The following FAM186A variants were observed in gnomAD, a reference collection of about 807,000 sequenced individuals.
FAM186A encodes family with sequence similarity 186 member A.
A neutral mutation model predicts 216.8 loss-of-function variants in FAM186A; 163 were observed. That is an observed-to-expected ratio of 0.75 (90% CI 0.66 to 0.86). The LOEUF (loss-of-function observed/expected upper bound fraction) is 0.86. Among genes scored for constraint, FAM186A ranks in the 40% least tolerant of loss-of-function variants. The pLI is 0.00. For missense variants in FAM186A, 2,184 were observed against 2,746.2 expected, an observed-to-expected ratio of 0.80 and a Z score of 4.58; for synonymous variants, 805 against 1,025.3, an observed-to-expected ratio of 0.79 and a Z score of 4.10.
In FAM186A at chr12:50,378,389, G is replaced by A. The variant is rs768468009; in HGVS notation, c.193-15025C>T. ...ACTAAAAAGTACAAAAATTAGCCAG[G>A]TGCAGTGGCAGGCGCCTGTAATCCC... On this transcript the variant is annotated intron_variant, in intron 1 of 7. Transcript: ENST00000327337. Among the ~76,000 whole-genome samples, 217 of 151,206 alleles carry A rather than the reference G, an allele frequency of 1.4e-3. 1 individual carries two copies. Among genetic ancestry groups the A allele is most frequent in the Non-Finnish European group, 1.0e-3 (68 of 67,834 alleles).
chr12:50,380,425 C>T (rs771537588), intron 1 of FAM186A, among the ~76,000 whole-genome samples: 3 of 150,272 alleles, frequency 2.0e-5, no homozygotes, highest in Non-Finnish European at 4.4e-5. Context: ...TCTGTAATCC[C>T]TGCACTTTGG....
At position 50,350,872 on chromosome 12, in the gene FAM186A, T is replaced by A. The variant is rs1222621877; in HGVS notation, c.5960A>T (p.Lys1987Met). The A allele has an allele frequency of 5.2e-6, 8 of 1,551,592 alleles. No homozygotes were observed. In the East Asian group the frequency reaches 2.0e-4, roughly 38 times the overall value. Residue 1987 changes from lysine to methionine, a missense_variant, in exon 4 of 8, where the codon AAG becomes ATG. Physicochemically the swap from Lys to Met is moderately conservative, Grantham distance 95. This residue lies in a region of FAM186A where 721 missense variants were observed against 816.4 expected (regional missense o/e 0.88). Transcript: ENST00000327337. ...KVAQVPFTTKKFQMSEVSDTS... is the reference protein window; with the variant it reads ...KVAQVPFTTKMFQMSEVSDTS... ...GTCAGAGACCTCCGACATTTGGAACTTCTTAGTGGTGAAAGGAACTTGAGC... is the reference window on the plus strand; with the variant it reads ...GTCAGAGACCTCCGACATTTGGAACATCTTAGTGGTGAAAGGAACTTGAGC...
chr12:50,355,167 T>C lies in FAM186A; in HGVS notation c.1665A>G (p.Pro555=). 2 of 1,551,696 alleles carry C rather than the reference T, an allele frequency of 1.3e-6. No homozygotes were observed. Among genetic ancestry groups the C allele is most frequent in the Non-Finnish European group, 1.7e-6 (2 of 1,146,996 alleles). The change falls in exon 4 of 8, where the codon CCA becomes CCG. Residue 555 remains proline, a synonymous_variant. Transcript: ENST00000327337. ...CTGCTGCAGTTGGACGTTTGTCAAA[T>C]GGAGATTCACGTTTGACCTTCCTAA... ...EQFRKVKRES[P]FDKRPTAAEI...
chr12:50,392,317 G>A (rs932599153), intron 1 of FAM186A: 12 of 163,774 alleles, frequency 7.3e-5, no homozygotes, highest in African/African-American at 1.7e-4. Context: ...TCGCTCTGTC[G>A]CCCAGGCTAC....
intron 4 of FAM186A, among the ~76,000 whole-genome samples, chr12:50,336,497 C>T (rs1013536583): frequency 3.9e-5 from 6 of 152,038 alleles, no homozygotes; most frequent in African/African-American, 9.7e-5. Context: ...GTTCCAAGGT[C>T]CTTCTCCATA....
chr12:50,328,607 A>G (rs1397127306), intron 7 of FAM186A, among the ~76,000 whole-genome samples: 1 of 152,074 alleles, frequency 6.6e-6, no homozygotes, highest in East Asian at 1.9e-4. Context: ...TCCCAGACTC[A>G]AGCCATTCTC....
intron 1 of FAM186A, among the ~76,000 whole-genome samples, chr12:50,365,135 A>G (rs181395468): frequency 1.3e-5 from 2 of 152,296 alleles, no homozygotes; most frequent in Admixed American, 1.3e-4. Flanking sequence ...AAATCAATAA[A>G]AAAATGTTCT....
At chr12:50,333,284 C>T (rs909107048) in intron 5 of FAM186A, among the ~76,000 whole-genome samples, 5 of 152,130 alleles carry the variant, frequency 3.3e-5, no homozygotes, top group Non-Finnish European at 7.3e-5. Flanking sequence ...GTAATCCCAA[C>T]ACTTTGGGAG....
In FAM186A at chr12:50,344,492, C is replaced by T. The variant is rs1490775369; in HGVS notation, c.6503+5837G>A. Among the ~76,000 whole-genome samples the T allele has an allele frequency of 2.0e-5, 3 of 152,146 alleles. No homozygotes were observed. The East Asian group carries it at 5.8e-4, about 29-fold the overall frequency. On this transcript the variant is annotated intron_variant, in intron 4 of 7. Transcript: ENST00000327337. ...TAGTATTCCATATGTTGTATATATA[C>T]CACATTTTCTTTATCCAGTCCACCA...
chr12:50,378,957 A>C lies in FAM186A; in HGVS notation c.193-15593T>G, dbSNP rs1266373040. On this transcript the variant is annotated intron_variant, in intron 1 of 7. Coordinates refer to ENST00000327337, the MANE Select transcript of FAM186A (RefSeq NM_001145475.3). ...TATTGGAAATAACTTAAATGTCCAT[A>C]CATAGGAAAGTGGTTGAATTAACTA... Among the ~76,000 whole-genome samples, 3 of 152,218 alleles carry C rather than the reference A, an allele frequency of 2.0e-5. No homozygotes were observed. In the East Asian group the frequency reaches 5.8e-4, roughly 29 times the overall value.
At chr12:50,396,187 C>T (rs1246480329) in intron 1 of FAM186A, 106 bp downstream of exon 1, 4 of 1,075,334 alleles carry the variant, frequency 3.7e-6, no homozygotes, top group African/African-American at 1.6e-5. Flanking sequence ...ACCCTAAATA[C>T]AGTCAAATAT....
intron 7 of FAM186A, 116 bp from the exon 8 acceptor site, chr12:50,327,520 A>G (rs1486292213): frequency 1.5e-6 from 1 of 675,116 alleles, no homozygotes; most frequent in African/African-American, 1.8e-5. Flanking sequence ...AAGATAAACT[A>G]GTAAAATCTG....
intron 1 of FAM186A, among the ~76,000 whole-genome samples, chr12:50,381,272 T>C (rs889313843): frequency 6.6e-6 from 1 of 152,232 alleles, no homozygotes; most frequent in African/African-American, 2.4e-5. Context: ...TTATAGCTCT[T>C]TCAGTCCCAC....
Position 50,351,733 on chromosome 12 carries a change from C to T in FAM186A, c.5099G>A (p.Gly1700Glu). Residue 1700 changes from glycine to glutamate, a missense_variant, in exon 4 of 8, where the codon GGA becomes GAA. By Grantham distance (98) the Gly-to-Glu change is moderately conservative. This residue lies in a region of FAM186A where 721 missense variants were observed against 816.4 expected (regional missense o/e 0.88). Coordinates refer to ENST00000327337, the MANE Select transcript of FAM186A (RefSeq NM_001145475.3). ...GACTTGCTTAAGGGTGAGGGGCGAT[C>T]CCAAGGTATGGGCTTTATCTAAGGT... is the stretch of plus-strand genomic sequence containing the variant. ...PLTLDKAHTL[G>E]SPLTLKQVQW... 1 of 1,551,452 alleles carries T rather than the reference C, an allele frequency of 6.4e-7. No homozygotes were observed.
At position 50,351,632 on chromosome 12, in the gene FAM186A, G is replaced by T; in HGVS notation, c.5200C>A (p.Pro1734Thr). The T allele has an allele frequency of 1.9e-6, 3 of 1,551,548 alleles. No individual in the cohort carries two copies. The highest frequency in any genetic ancestry group is 2.4e-5 in the South Asian group (2 of 84,058). ...GATGCCAGGGACAGCCTAAGACTTG[G>T]AGACAATCTTGATATGATGGATTGC... ...TGQSIISRLS[P>T]SLRLSLASSA... The change falls in exon 4 of 8, where the codon CCA becomes ACA. Residue 1734 changes from proline to threonine, a missense_variant. By Grantham distance (38) the Pro-to-Thr change is conservative. This residue lies in a region of FAM186A where 721 missense variants were observed against 816.4 expected (regional missense o/e 0.88). Transcript: ENST00000327337.
rs1480092928 is a variant in FAM186A, at chr12:50,351,410, A to T, written c.5422T>A (p.Ser1808Thr). The T allele has an allele frequency of 1.8e-5, 26 of 1,467,078 alleles. 1 individual carries two copies. The South Asian group carries it at 3.8e-4, about 21-fold the overall frequency. The allele number at this position is 1,467,078 out of a possible 1,614,324, so 90.9% of individuals were successfully genotyped here. ...SGQTLVYGGQSTSAQFPAPQA... is the reference protein window; with the variant it reads ...SGQTLVYGGQTTSAQFPAPQA... ...GGTGCCGGGAACTGCGCAGAAGTGG[A>T]TTGACCTCCGTATACCAGGGTCTGT... The change falls in exon 4 of 8, where the codon TCC becomes ACC. Residue 1808 changes from serine (S) to threonine (T), a missense_variant. By Grantham distance (58) the Ser-to-Thr change is moderately conservative. Transcript: ENST00000327337.
At chr12:50,331,546 A>G (rs1163218953) in intron 6 of FAM186A, 124 bp downstream of exon 6, 1 of 933,222 alleles carries the variant, frequency 1.1e-6, no homozygotes, top group Non-Finnish European at 1.5e-6. Context: ...CCAGCCTAAT[A>G]CTCCTTTAGA....
Position 50,350,988 on chromosome 12 carries a change from G to A in FAM186A, c.5844C>T (p.Ser1948=). ...PAPGKPQKSW[S]PSVAKKRLAI... ...CCAATCTTTTCTTAGCAACAGAAGG[G>A]GACCAACTTTTCTGGGGCTTTCCAG... Residue 1948 remains serine (S), a synonymous_variant, in exon 4 of 8, where the codon TCC becomes TCT. Transcript: ENST00000327337. 1.3e-6 allele frequency: 2 copies of A among 1,551,576 alleles called. No individual in the cohort carries two copies. Among genetic ancestry groups the A allele is most frequent in the African/African-American group, 2.7e-5 (2 of 73,122 alleles).
Position 50,350,821 on chromosome 12 carries a change from C to G in FAM186A, c.6011G>C (p.Arg2004Pro). 6 of 1,551,602 alleles carry G rather than the reference C, an allele frequency of 3.9e-6. No individual in the cohort carries two copies. The highest frequency in any genetic ancestry group is 2.0e-5 in the Admixed American group (1 of 50,976). ...AAATGATTCTATAGCAAAAGTGTCT[C>G]GAAGTATCTGGGTTTCTTCGGAAGT... is the stretch of plus-strand genomic sequence containing the variant. ...SDTSEETQIL[R>P]DTFAIESFRT... Residue 2004 changes from arginine to proline, a missense_variant, in exon 4 of 8, where the codon CGA becomes CCA. This residue lies in a region of FAM186A where 721 missense variants were observed against 816.4 expected (regional missense o/e 0.88). Coordinates refer to ENST00000327337, the MANE Select transcript of FAM186A (RefSeq NM_001145475.3).
Sources: gnomAD v4.1 joint callset for allele counts (sites outside exome capture counted in the v4.1 genomes callset) on GRCh38, gnomAD v4.1.1 for gene constraint, gnomAD v4.1.1 regional missense constraint, MANE v1.5 for transcripts, NCBI Gene and HGNC (gene_info 2026-07-23, HGNC 2026-07-21) for gene names.